NCAM2: variants seen among roughly 807,000 people sequenced by gnomAD.
The protein encoded by NCAM2 is neural cell adhesion molecule 2.
A neutral mutation model predicts 98.1 loss-of-function variants in NCAM2; 30 were observed. The ratio of observed to expected loss-of-function variants is 0.31; its 90% CI spans 0.23 to 0.41. NCAM2 has a LOEUF of 0.41. NCAM2 is among the 10% of genes least tolerant of loss of function. NCAM2 has a pLI of 1.00. For synonymous variants in NCAM2, 368 were observed against 342.4 expected (o/e 1.07, Z -0.83); for missense variants, 867 against 1,005.8 (o/e 0.86, Z 1.87).
chr21:21,434,240 C>T (rs546278948), intron 12 of NCAM2, among the ~76,000 whole-genome samples: 1 of 152,260 alleles, frequency 6.6e-6, no homozygotes, highest in African/African-American at 2.4e-5. Flanking sequence ...ACATACTTTA[C>T]CTGTTGGTAT....
intron 1 of NCAM2, among the ~76,000 whole-genome samples, chr21:21,125,703 A>T (rs535986580): frequency 2.3e-5 from 1 of 42,864 alleles, no homozygotes; most frequent in African/African-American, 5.3e-5. Context: ...AATATTTTAC[A>T]TATATATATA....
chr21:21,076,321 G>A (rs1418733298), intron 1 of NCAM2, among the ~76,000 whole-genome samples: 1 of 152,050 alleles, frequency 6.6e-6, no homozygotes, highest in African/African-American at 2.4e-5. Flanking sequence ...TAAACAAAAA[G>A]CATGTTCTTC....
At chr21:21,501,937 G>A (rs1255346658) in intron 15 of NCAM2, among the ~76,000 whole-genome samples, 1 of 151,932 alleles carries the variant, frequency 6.6e-6, no homozygotes, top group Non-Finnish European at 1.5e-5. Context: ...GTCCAACACT[G>A]ATAATACATT....
intron 12 of NCAM2, among the ~76,000 whole-genome samples, chr21:21,464,055 T>C (rs938567572): frequency 3.9e-5 from 6 of 152,118 alleles, no homozygotes; most frequent in African/African-American, 1.4e-4. Flanking sequence ...TTATTTGCAA[T>C]TGAAAGTGCA....
chr21:21,412,793 T>C (rs1278668935), intron 10 of NCAM2, among the ~76,000 whole-genome samples: 1 of 152,136 alleles, frequency 6.6e-6, no homozygotes, highest in Non-Finnish European at 1.5e-5. Flanking sequence ...CTTGAAAACA[T>C]AGCATAACAA....
At chr21:21,485,956 G>C (rs1986313946) in intron 15 of NCAM2, among the ~76,000 whole-genome samples, 1 of 151,904 alleles carries the variant, frequency 6.6e-6, no homozygotes, top group Admixed American at 6.6e-5. Context: ...ATCCTTTCTT[G>C]TAATCTAGTA....
chr21:21,395,191 T>G (rs2145845525), intron 9 of NCAM2, among the ~76,000 whole-genome samples: 1 of 152,108 alleles, frequency 6.6e-6, no homozygotes, highest in East Asian at 1.9e-4. Context: ...AAAAATTAGC[T>G]GGGCCTGGTG....
At chr21:21,403,384 A>T (rs2145881644) in intron 9 of NCAM2, among the ~76,000 whole-genome samples, 1 of 152,306 alleles carries the variant, frequency 6.6e-6, no homozygotes, top group East Asian at 1.9e-4. Flanking sequence ...TTTAAACAGT[A>T]ATTTGCATGA....
intron 9 of NCAM2, among the ~76,000 whole-genome samples, chr21:21,387,493 A>G (rs1286897997): frequency 1.3e-5 from 2 of 149,524 alleles, no homozygotes; most frequent in Non-Finnish European, 3.0e-5. Flanking sequence ...ACAAGGTCTT[A>G]GTGTATCTTT....
intron 1 of NCAM2, among the ~76,000 whole-genome samples, chr21:20,999,352 T>A (rs558462537): frequency 3.6e-4 from 53 of 146,198 alleles, no homozygotes; most frequent in African/African-American, 1.3e-3. Flanking sequence ...TTTTATCTCT[T>A]AAAAAAAAAA....
intron 1 of NCAM2, among the ~76,000 whole-genome samples, chr21:21,150,723 C>T (rs925805278): frequency 6.6e-6 from 1 of 151,420 alleles, no homozygotes; most frequent in Non-Finnish European, 1.5e-5. Context: ...CTTATATTTT[C>T]TTTTGGATTT....
At chr21:21,347,692 T>C (rs949802155) in intron 8 of NCAM2, among the ~76,000 whole-genome samples, 22 of 151,678 alleles carry the variant, frequency 1.5e-4, no homozygotes, top group Admixed American at 1.4e-3. Flanking sequence ...CAAAGACACA[T>C]AAAAAAAGTA....
intron 1 of NCAM2, among the ~76,000 whole-genome samples, chr21:21,026,672 G>A (rs914577518): frequency 1.3e-5 from 2 of 151,714 alleles, no homozygotes; most frequent in Non-Finnish European, 2.9e-5. Flanking sequence ...TGGATATCAC[G>A]TAGTTTCTCT....
At chr21:21,136,623 G>GGTTTTTTT (rs373375869) in intron 1 of NCAM2, among the ~76,000 whole-genome samples, 3 of 55,750 alleles carry the variant, frequency 5.4e-5, no homozygotes. Flanking sequence ...CACCACGCCT[G>GGTTTTTTT]TTTTTTGTTT....
intron 1 of NCAM2, among the ~76,000 whole-genome samples, chr21:21,273,222 A>G (rs1341864648): frequency 2.6e-5 from 4 of 152,208 alleles, no homozygotes; most frequent in Non-Finnish European, 1.5e-5. Flanking sequence ...ACCTTATAGT[A>G]GTATCTACTT....
chr21:21,123,319 G>C lies in NCAM2; in HGVS notation c.55+124701G>C, dbSNP rs935149324. On this transcript the variant is annotated intron_variant, in intron 1 of 17. Coordinates refer to ENST00000400546, the MANE Select transcript of NCAM2 (RefSeq NM_004540.5). Reference sequence around the variant, plus strand: ...TGAGGCAGGAGAATGGCGTGAACCCGGGGGGAGGCGGAGCTTGCAGTGAGT... The same window carrying C: ...TGAGGCAGGAGAATGGCGTGAACCCCGGGGGAGGCGGAGCTTGCAGTGAGT... Among the ~76,000 whole-genome samples the C allele has an allele frequency of 1.3e-5, 2 of 151,868 alleles. 1 individual carries two copies.
chr21:21,091,547 C>A (rs7510388), intron 1 of NCAM2, among the ~76,000 whole-genome samples: 141,469 of 152,176 alleles, frequency 0.93, 65,954 homozygotes, highest in East Asian at 0.99. Context: ...TTTAATTGGA[C>A]TTACAGTTCC....
chr21:21,111,583 G>C (rs2066455464), intron 1 of NCAM2, among the ~76,000 whole-genome samples: 1 of 152,164 alleles, frequency 6.6e-6, no homozygotes, highest in Admixed American at 6.5e-5. Flanking sequence ...TACGGATTAA[G>C]GAAGATCTGA....
chr21:21,344,334 G>A (rs1235173401), intron 8 of NCAM2, among the ~76,000 whole-genome samples: 2 of 152,128 alleles, frequency 1.3e-5, no homozygotes, highest in Admixed American at 1.3e-4. Flanking sequence ...ATGAAGTGGG[G>A]TCGTAGGGTC....
Sources: gnomAD v4.1 joint callset for allele counts (sites outside exome capture counted in the v4.1 genomes callset) on GRCh38, gnomAD v4.1.1 for gene constraint, MANE v1.5 for transcripts, NCBI Gene and HGNC (gene_info 2026-07-23, HGNC 2026-07-21) for gene names.